The following ABCC4 variants were observed in gnomAD, a reference collection of about 807,000 sequenced individuals.
The protein encoded by ABCC4 is ATP binding cassette subfamily C member 4 (PEL blood group).
In ABCC4, 102 loss-of-function variants were observed where a neutral mutation model predicts 168.5. The observed-to-expected ratio is 0.61, with a 90% confidence interval of 0.52 to 0.71. ABCC4 has a LOEUF of 0.71. Ranked by LOEUF, ABCC4 falls within the 30% of genes least tolerant of loss-of-function variation. The probability of loss-of-function intolerance (pLI) is 0.00; values close to 1 mark genes in which losing one functional copy is unlikely to be tolerated. For synonymous variants in ABCC4, 617 were observed against 590.7 expected, an observed-to-expected ratio of 1.04 and a Z score of -0.65; for missense variants, 1,402 against 1,605.8, an observed-to-expected ratio of 0.87 and a Z score of 2.17.
At chr13:95,083,391 C>T in intron 20 of ABCC4, 101 bp from the exon 21 acceptor site, 1 of 1,377,878 alleles carries the variant, frequency 7.3e-7, no homozygotes, top group Non-Finnish European at 9.9e-7. Context: ...CTCTGAAAGA[C>T]TTATTGTAGT....
intron 19 of ABCC4, among the ~76,000 whole-genome samples, chr13:95,120,876 G>A (rs2035547269): frequency 6.6e-6 from 1 of 152,226 alleles, no homozygotes; most frequent in South Asian, 2.1e-4. Flanking sequence ...GTTGGGTGGA[G>A]CCTGGAGACA....
chr13:95,050,324 T>C (rs1383720825), intron 27 of ABCC4, among the ~76,000 whole-genome samples: 1 of 152,184 alleles, frequency 6.6e-6, no homozygotes, highest in Non-Finnish European at 1.5e-5. Context: ...AAACTTGTTG[T>C]GAAAAACTCA....
At chr13:95,043,822 G>A in intron 28 of ABCC4, 35 bp from the exon 29 acceptor site, 1 of 1,487,518 alleles carries the variant, frequency 6.7e-7, no homozygotes. Flanking sequence ...ATTTCGTAAA[G>A]ATGCAAAAAG....
chr13:95,067,895 C>G (rs1250769496), intron 25 of ABCC4, among the ~76,000 whole-genome samples: 1 of 152,078 alleles, frequency 6.6e-6, no homozygotes, highest in African/African-American at 2.4e-5. Flanking sequence ...ATGATTAAAT[C>G]AACCACAAAA....
chr13:95,073,587 A>T (rs2033803231), intron 23 of ABCC4: 1 of 251,408 alleles, frequency 4.0e-6, no homozygotes, highest in Non-Finnish European at 7.5e-6. Flanking sequence ...CATTATTCAG[A>T]CATTCATTAT....
chr13:95,155,185 A>T (rs1408736345), intron 19 of ABCC4, among the ~76,000 whole-genome samples: 1 of 151,194 alleles, frequency 6.6e-6, no homozygotes, highest in African/African-American at 2.4e-5. Context: ...CTAACTTCCC[A>T]TTCAGTCAAG....
intron 1 of ABCC4, among the ~76,000 whole-genome samples, chr13:95,258,976 G>C (rs374162085): frequency 6.6e-6 from 1 of 152,162 alleles, no homozygotes; most frequent in South Asian, 2.1e-4. Context: ...GGCTACATTG[G>C]GGCAGGGTGG....
chr13:95,206,210 C>CATAAGAG (rs2038774679), intron 8 of ABCC4, among the ~76,000 whole-genome samples: 1 of 152,186 alleles, frequency 6.6e-6, no homozygotes, highest in South Asian at 2.1e-4. Flanking sequence ...TTGGTGTTAA[C>CATAAGAG]ATAAGAGATG....
At chr13:95,243,159 A>C (rs1417652725) in intron 3 of ABCC4, among the ~76,000 whole-genome samples, 1 of 152,172 alleles carries the variant, frequency 6.6e-6, no homozygotes, top group Admixed American at 6.5e-5. Context: ...TGCCGCCAGC[A>C]CTGTGTGGGT....
At chr13:95,148,510 A>C (rs1262163549) in intron 19 of ABCC4, among the ~76,000 whole-genome samples, 1 of 151,918 alleles carries the variant, frequency 6.6e-6, no homozygotes, top group Non-Finnish European at 1.5e-5. Context: ...CATATTATTA[A>C]GAGAATCCAA....
chr13:95,247,286 T>C (rs1395490768), intron 2 of ABCC4, among the ~76,000 whole-genome samples, 191 bp from the exon 3 acceptor site: 1 of 152,154 alleles, frequency 6.6e-6, no homozygotes, highest in African/African-American at 2.4e-5. Context: ...AAAACAGGCC[T>C]TGAGGGGAAG....
chr13:95,170,329 G>A, intron 14 of ABCC4: 1 of 445,464 alleles, frequency 2.2e-6, no homozygotes, highest in Non-Finnish European at 4.0e-6. Context: ...TAACAATGTA[G>A]TAACCTTGAG....
intron 27 of ABCC4, among the ~76,000 whole-genome samples, chr13:95,046,290 C>T (rs1017175434): frequency 6.6e-6 from 1 of 152,202 alleles, no homozygotes; most frequent in Non-Finnish European, 1.5e-5. Context: ...TAATCTCACA[C>T]TTGCCCTTGA....
intron 20 of ABCC4, among the ~76,000 whole-genome samples, 170 bp from the exon 21 acceptor site, chr13:95,083,460 T>C (rs1397473644): frequency 6.6e-6 from 1 of 152,072 alleles, no homozygotes; most frequent in African/African-American, 2.4e-5. Context: ...CCTGATGATA[T>C]CTATTACATG....
intron 1 of ABCC4, among the ~76,000 whole-genome samples, chr13:95,249,254 C>A (rs1468261686): frequency 1.3e-5 from 2 of 151,532 alleles, no homozygotes; most frequent in African/African-American, 4.8e-5. Flanking sequence ...TATTTGTGCC[C>A]TATAAGGAAA....
At chr13:95,090,130 G>C (rs1594078043) in intron 20 of ABCC4, among the ~76,000 whole-genome samples, 1 of 152,244 alleles carries the variant, frequency 6.6e-6, no homozygotes, top group South Asian at 2.1e-4. Context: ...CCCAAGGAGA[G>C]TCTGAGCTCA....
intron 9 of ABCC4, among the ~76,000 whole-genome samples, chr13:95,194,620 G>A (rs2038358037): frequency 1.3e-5 from 2 of 152,120 alleles, no homozygotes; most frequent in South Asian, 4.1e-4. Flanking sequence ...TTTTGAAAAT[G>A]AGATAAAATA....
At chr13:95,067,092 T>C (rs563423725) in intron 25 of ABCC4, among the ~76,000 whole-genome samples, 2 of 152,132 alleles carry the variant, frequency 1.3e-5, no homozygotes, top group Non-Finnish European at 2.9e-5. Context: ...ACAGACCTAG[T>C]GTACTGTGGG....
intron 3 of ABCC4, among the ~76,000 whole-genome samples, chr13:95,241,256 TCA>T (rs2039934864): frequency 1.3e-5 from 2 of 150,856 alleles, no homozygotes; most frequent in Non-Finnish European, 1.5e-5. Context: ...TCCCAGCTAC[TCA>T]GGAGGCAGAG....
Sources: allele counts gnomAD v4.1 joint callset (sites outside exome capture counted in the v4.1 genomes callset), GRCh38; gene constraint gnomAD v4.1.1; transcripts MANE v1.5; gene names NCBI Gene and HGNC (gene_info 2026-07-23, HGNC 2026-07-21).